Variants in COMMD10 observed in about 807,000 individuals in gnomAD.
The protein encoded by COMMD10 is COMM domain-containing protein 10.
COMMD10 carries 33 observed loss-of-function variants against 28.9 expected under a neutral mutation model. That is an observed-to-expected ratio of 1.14 (90% confidence interval 0.87 to 1.53). The LOEUF (loss-of-function observed/expected upper bound fraction) is 1.53. COMMD10 is among the 40% of genes most tolerant of loss of function. The pLI is 0.00. For synonymous variants in COMMD10, 110 were observed against 81.7 expected (o/e 1.35, Z -1.87); for missense variants, 310 against 233.4 (o/e 1.33, Z -2.14).
chr5:116,095,359 G>A (rs1750434753), intron 4 of COMMD10, among the ~76,000 whole-genome samples: 2 of 152,082 alleles, frequency 1.3e-5, no homozygotes, highest in Admixed American at 1.3e-4. Flanking sequence ...TCAACCACAG[G>A]CTAATGTAAG....
chr5:116,193,551 T>G (rs531012986), intron 5 of COMMD10, among the ~76,000 whole-genome samples: 3 of 152,208 alleles, frequency 2.0e-5, no homozygotes, highest in Middle Eastern at 3.4e-3. Context: ...AAACAAACTT[T>G]AAAGCAACAG....
chr5:116,087,592 G>T lies in COMMD10; in HGVS notation c.132+5G>T. 6.4e-7 allele frequency: 1 copy of T among 1,570,122 alleles called. No homozygotes were observed. The highest frequency in any genetic ancestry group is 8.8e-7 in the Non-Finnish European group (1 of 1,139,932). ...CTTCAAAAACTTCACCTGAAGGTTT[G>T]TATTTGTGTGTTTCCATGCCTTGTA... On this transcript the variant is annotated splice_donor_5th_base_variant and intron_variant, in intron 2 of 6. Transcript: ENST00000274458.
At chr5:116,099,748 GT>G (rs1220607993) in intron 4 of COMMD10, among the ~76,000 whole-genome samples, 1 of 151,898 alleles carries the variant, frequency 6.6e-6, no homozygotes, top group Non-Finnish European at 1.5e-5. Flanking sequence ...CCTTTTTTTG[GT>G]GGGGAGAATG....
intron 5 of COMMD10, among the ~76,000 whole-genome samples, chr5:116,246,167 G>T (rs1489821254): frequency 2.0e-5 from 3 of 151,858 alleles, no homozygotes; most frequent in African/African-American, 4.8e-5. Context: ...TGCAAAAATC[G>T]CTAGGATTCC....
chr5:116,189,271 T>C (rs1269573122), intron 5 of COMMD10, among the ~76,000 whole-genome samples: 3 of 151,964 alleles, frequency 2.0e-5, no homozygotes, highest in Non-Finnish European at 4.4e-5. Context: ...TTAGAATTTA[T>C]TCTTCTAGTG....
intron 5 of COMMD10, among the ~76,000 whole-genome samples, chr5:116,284,770 A>G (rs1043218846): frequency 5.3e-5 from 8 of 151,900 alleles, no homozygotes; most frequent in Non-Finnish European, 4.4e-5. Flanking sequence ...TAACAAAGAT[A>G]CTAATGAACT....
intron 4 of COMMD10, among the ~76,000 whole-genome samples, chr5:116,112,885 T>G (rs1359989520): frequency 6.8e-6 from 1 of 147,802 alleles, no homozygotes; most frequent in Non-Finnish European, 1.5e-5. Flanking sequence ...TTCATTTGAT[T>G]CTTCTTCTTT....
intron 4 of COMMD10, among the ~76,000 whole-genome samples, chr5:116,105,690 G>C (rs1043611130): frequency 6.6e-6 from 1 of 152,108 alleles, no homozygotes; most frequent in Non-Finnish European, 1.5e-5. Context: ...GTGTTGGGCA[G>C]GTGTATGTGT....
At chr5:116,103,687 GGCTTTTGTTACCATT>G (rs1483438192) in intron 4 of COMMD10, among the ~76,000 whole-genome samples, 5 of 152,074 alleles carry the variant, frequency 3.3e-5, no homozygotes, top group Non-Finnish European at 7.4e-5. Flanking sequence ...TGTCCATTTT[GGCTTTTGTTACCATT>G]GCTTTTGGTG....
chr5:116,272,757 G>A (rs1750793629), intron 5 of COMMD10, among the ~76,000 whole-genome samples: 1 of 151,790 alleles, frequency 6.6e-6, no homozygotes, highest in African/African-American at 2.4e-5. Context: ...AAGAGTTTTG[G>A]CATCCATCTA....
intron 5 of COMMD10, among the ~76,000 whole-genome samples, chr5:116,232,562 G>A (rs144524069): frequency 1.3e-5 from 2 of 152,060 alleles, no homozygotes; most frequent in South Asian, 2.1e-4. Context: ...TTAGCTGGAC[G>A]TGGTAGCGGG....
At chr5:116,283,799 C>T (rs1353499417) in intron 5 of COMMD10, among the ~76,000 whole-genome samples, 1 of 151,762 alleles carries the variant, frequency 6.6e-6, no homozygotes, top group South Asian at 2.1e-4. Context: ...TATTACATAT[C>T]CAGTTATTAT....
chr5:116,107,727 C>T (rs777240271), intron 4 of COMMD10, among the ~76,000 whole-genome samples: 4 of 151,116 alleles, frequency 2.6e-5, no homozygotes, highest in South Asian at 4.2e-4. Flanking sequence ...CCCTTGCTGG[C>T]GAGGAGTTGT....
intron 4 of COMMD10, among the ~76,000 whole-genome samples, chr5:116,130,672 T>G (rs1258884532): frequency 6.6e-6 from 1 of 151,952 alleles, no homozygotes; most frequent in Non-Finnish European, 1.5e-5. Context: ...CCCAAAATAT[T>G]TAAGTGGCGA....
At chr5:116,130,860 A>G (rs1751840823) in intron 4 of COMMD10, among the ~76,000 whole-genome samples, 1 of 152,040 alleles carries the variant, frequency 6.6e-6, no homozygotes, top group Non-Finnish European at 1.5e-5. Context: ...TCTAAAATGA[A>G]CATAATAAGT....
chr5:116,090,214 T>A (rs1212906571), intron 2 of COMMD10, among the ~76,000 whole-genome samples: 1 of 152,218 alleles, frequency 6.6e-6, no homozygotes, highest in African/African-American at 2.4e-5. Flanking sequence ...TCTTTGGCCA[T>A]CTTCTTGGCT....
chr5:116,253,508 C>T (rs173817), intron 5 of COMMD10, among the ~76,000 whole-genome samples: 2 of 144,628 alleles, frequency 1.4e-5, no homozygotes, highest in African/African-American at 2.6e-5. Context: ...TAGCATGAAG[C>T]GTTGTTGAAT....
intron 4 of COMMD10, among the ~76,000 whole-genome samples, chr5:116,131,575 T>C (rs1454489737): frequency 6.6e-6 from 1 of 152,032 alleles, no homozygotes; most frequent in Non-Finnish European, 1.5e-5. Context: ...TGAAAGTTTG[T>C]ATATGTTATG....
chr5:116,273,734 T>C (rs550022216), intron 5 of COMMD10, among the ~76,000 whole-genome samples: 2 of 151,782 alleles, frequency 1.3e-5, no homozygotes, highest in East Asian at 1.9e-4. Context: ...GATCTAAGCC[T>C]TTGACTTCTG....
Sources: allele counts gnomAD v4.1 joint callset (sites outside exome capture counted in the v4.1 genomes callset), GRCh38; gene constraint gnomAD v4.1.1; transcripts MANE v1.5; gene names NCBI Gene and HGNC (gene_info 2026-07-23, HGNC 2026-07-21).